LRP1B: variants seen among roughly 807,000 people sequenced by gnomAD.
LRP1B encodes the protein low-density lipoprotein receptor-related protein 1B.
In LRP1B, 217 loss-of-function variants were observed where a neutral mutation model predicts 556.6. The observed-to-expected ratio is 0.39, with a 90% confidence interval of 0.35 to 0.44. LRP1B has a LOEUF of 0.44. LRP1B is among the 20% of genes least tolerant of loss of function. LRP1B has a pLI of 1.00. For missense variants in LRP1B, 5,053 were observed against 5,620.8 expected (o/e 0.90, Z 3.23); for synonymous variants, 2,047 against 1,865.8 (o/e 1.10, Z -2.50).
intron 47 of LRP1B, among the ~76,000 whole-genome samples, chr2:140,529,962 A>C (rs1468128435): frequency 6.6e-6 from 1 of 152,076 alleles, no homozygotes; most frequent in Non-Finnish European, 1.5e-5. Flanking sequence ...AAAATGATGA[A>C]GATTTGGCAT....
In LRP1B at chr2:141,577,787, T is replaced by C. The variant is rs550466019; in HGVS notation, c.206-97254A>G. Among the ~76,000 whole-genome samples, 4 of 152,328 alleles carry C rather than the reference T, an allele frequency of 2.6e-5. No homozygotes were observed. In the East Asian group the frequency reaches 7.7e-4, roughly 29 times the overall value. On this transcript the variant is annotated intron_variant, in intron 2 of 90. Transcript: ENST00000389484. ...CAATAAATTCAGTGCTTCTAAAGCA[T>C]GATTACTGTATTCTCCTGGCAGGAC...
chr2:141,328,228 T>C (rs1687501186), intron 3 of LRP1B, among the ~76,000 whole-genome samples: 1 of 152,198 alleles, frequency 6.6e-6, no homozygotes, highest in Non-Finnish European at 1.5e-5. Context: ...GTAAGAACAC[T>C]GGCTCCATGA....
intron 66 of LRP1B, among the ~76,000 whole-genome samples, chr2:140,390,768 T>TCACACACA (rs70985096): frequency 0.038 from 5,482 of 143,682 alleles, 146 homozygotes; most frequent in Non-Finnish European, 0.056. Context: ...AATAGAAACT[T>TCACACACA]CACACACACA....
chr2:142,087,911 A>G (rs2104943721), intron 1 of LRP1B, among the ~76,000 whole-genome samples: 1 of 152,272 alleles, frequency 6.6e-6, no homozygotes, highest in South Asian at 2.1e-4. Context: ...AAAATTAAAT[A>G]CACTGACATT....
At chr2:141,577,323 C>T (rs1215139387) in intron 2 of LRP1B, among the ~76,000 whole-genome samples, 1 of 152,122 alleles carries the variant, frequency 6.6e-6, no homozygotes, top group Non-Finnish European at 1.5e-5. Flanking sequence ...GGGTGACCTA[C>T]ACTACCAGGG....
Position 140,700,557 on chromosome 2 carries a change from G to T in LRP1B, c.6492C>A (p.Ser2164=), listed in dbSNP as rs2105421726. 6.2e-7 allele frequency: 1 copy of T among 1,613,468 alleles called. No individual in the cohort carries two copies. Residue 2164 remains serine, a synonymous_variant, in exon 41 of 91, where the codon TCC becomes TCA. Transcript: ENST00000389484. ...CATGGGCACAAGCACAAGTTCTCCG[G>T]GAATTTCCTCGATAAAGACAGAGTT... The part of the protein sequence containing the change: ...CKQLCLYRGN[S]RRTCACAHGY...
chr2:140,541,198 A>G (rs1157312328), intron 44 of LRP1B, 100 bp from the exon 45 acceptor site: 5 of 964,442 alleles, frequency 5.2e-6, no homozygotes, highest in African/African-American at 3.3e-5. Context: ...CAATCTCTCA[A>G]TAATATGTCA....
intron 2 of LRP1B, among the ~76,000 whole-genome samples, chr2:141,593,308 C>A (rs1050717273): frequency 2.0e-5 from 3 of 152,086 alleles, no homozygotes; most frequent in Admixed American, 6.6e-5. Flanking sequence ...CTCAAAAGTA[C>A]CCCCTCGACA....
At chr2:140,245,024 A>G (rs1681093286) in intron 87 of LRP1B, among the ~76,000 whole-genome samples, 1 of 151,348 alleles carries the variant, frequency 6.6e-6, no homozygotes, top group Admixed American at 6.6e-5. Flanking sequence ...CGAAGCATAA[A>G]TGTCTGATAA....
intron 2 of LRP1B, among the ~76,000 whole-genome samples, chr2:141,543,362 A>AAG (rs1469129556): frequency 5.7e-4 from 86 of 151,706 alleles, no homozygotes; most frequent in African/African-American, 2.0e-3. Flanking sequence ...ACAAAAAAAA[A>AAG]AAATTATTCA....
At chr2:141,193,601 G>A (rs548048555) in intron 6 of LRP1B, among the ~76,000 whole-genome samples, 1 of 152,000 alleles carries the variant, frequency 6.6e-6, no homozygotes, top group Admixed American at 6.6e-5. Flanking sequence ...TGGAGGATGG[G>A]AGGAGGGAGA....
intron 66 of LRP1B, among the ~76,000 whole-genome samples, chr2:140,399,924 G>A (rs964540906): frequency 6.6e-6 from 1 of 152,078 alleles, no homozygotes; most frequent in South Asian, 2.1e-4. Context: ...TGTCAATTTT[G>A]TTTTTCCTTG....
intron 2 of LRP1B, among the ~76,000 whole-genome samples, chr2:141,633,714 C>T (rs558938195): frequency 6.6e-6 from 1 of 152,102 alleles, no homozygotes; most frequent in Non-Finnish European, 1.5e-5. Flanking sequence ...ATTTCCAGAA[C>T]TTTTCATGAT....
At chr2:140,780,219 T>A (rs571542748) in intron 32 of LRP1B, among the ~76,000 whole-genome samples, 1 of 152,302 alleles carries the variant, frequency 6.6e-6, no homozygotes, top group African/African-American at 2.4e-5. Context: ...TGATAATCGA[T>A]GAGTCTCTTC....
Position 141,626,184 on chromosome 2 carries a change from A to T in LRP1B, c.206-145651T>A, listed in dbSNP as rs150411704. Among the ~76,000 whole-genome samples the T allele has an allele frequency of 3.2e-3, 484 of 152,292 alleles. 4 individuals carry two copies. The highest frequency in any genetic ancestry group is 8.3e-3 in the African/African-American group (346 of 41,562). ...CATAAATACAATGAATTGACTTTTG[A>T]CAAAGGAGCAAAGGCAATACAATAG... is the stretch of plus-strand genomic sequence containing the variant. On this transcript the variant is annotated intron_variant, in intron 2 of 90. Transcript: ENST00000389484.
chr2:140,703,574 G>A (rs1243504333), intron 37 of LRP1B, among the ~76,000 whole-genome samples: 1 of 152,150 alleles, frequency 6.6e-6, no homozygotes, highest in Non-Finnish European at 1.5e-5. Flanking sequence ...ACAGCTGGGT[G>A]TATAGTTCCT....
chr2:140,973,287 C>T (rs1482778254), intron 18 of LRP1B, among the ~76,000 whole-genome samples: 2 of 151,764 alleles, frequency 1.3e-5, no homozygotes, highest in Non-Finnish European at 2.9e-5. Flanking sequence ...GCCTTTGTTA[C>T]TATGATTTGG....
At chr2:141,105,808 T>G (rs1033566845) in intron 7 of LRP1B, among the ~76,000 whole-genome samples, 1 of 152,158 alleles carries the variant, frequency 6.6e-6, no homozygotes, top group Non-Finnish European at 1.5e-5. Context: ...ATTTTCAAAA[T>G]GTATTTTTTT....
chr2:141,196,607 T>C (rs1359642133), intron 6 of LRP1B, among the ~76,000 whole-genome samples: 1 of 152,126 alleles, frequency 6.6e-6, no homozygotes, highest in Non-Finnish European at 1.5e-5. Flanking sequence ...TTAGAGTTAA[T>C]TGCTTTGTGT....
Sources: gnomAD v4.1 joint callset for allele counts (sites outside exome capture counted in the v4.1 genomes callset) on GRCh38, gnomAD v4.1.1 for gene constraint, MANE v1.5 for transcripts, NCBI Gene and HGNC (gene_info 2026-07-23, HGNC 2026-07-21) for gene names.